Variants in MPHOSPH8 observed in about 807,000 individuals in gnomAD.
The protein encoded by MPHOSPH8 is M-phase phosphoprotein 8.
In MPHOSPH8, 45 loss-of-function variants were observed where a neutral mutation model predicts 87.3. That is an observed-to-expected ratio of 0.52 (90% CI 0.41 to 0.66). MPHOSPH8 has a LOEUF of 0.66. Ranked by LOEUF, MPHOSPH8 falls within the 30% of genes least tolerant of loss-of-function variation. MPHOSPH8 has a pLI of 0.00. For synonymous variants in MPHOSPH8, 366 were observed against 376.9 expected (o/e 0.97, Z 0.33); for missense variants, 883 against 1,020.2 (o/e 0.87, Z 1.83).
chr13:19,652,763 T>C (rs1874929193), intron 5 of MPHOSPH8, among the ~76,000 whole-genome samples: 1 of 152,106 alleles, frequency 6.6e-6, no homozygotes, highest in South Asian at 2.1e-4. Flanking sequence ...TGTCCGCCAT[T>C]GCTGAGGCTC....
chr13:19,668,124 C>G (rs1329090397), intron 10 of MPHOSPH8, among the ~76,000 whole-genome samples: 1 of 152,208 alleles, frequency 6.6e-6, no homozygotes, highest in African/African-American at 2.4e-5. Context: ...AGGCACTGTT[C>G]TAAAGGCTGG....
At chr13:19,647,841 A>G (rs1874649186) in intron 3 of MPHOSPH8, among the ~76,000 whole-genome samples, 1 of 152,156 alleles carries the variant, frequency 6.6e-6, no homozygotes, top group South Asian at 2.1e-4. Flanking sequence ...TTTTTCATCC[A>G]TTATTTCCAG....
chr13:19,651,857 T>C (rs1874867118), intron 5 of MPHOSPH8, among the ~76,000 whole-genome samples: 1 of 152,002 alleles, frequency 6.6e-6, no homozygotes, highest in Admixed American at 6.6e-5. Flanking sequence ...CCCAGCACTT[T>C]GGGAGGCCGA....
In MPHOSPH8 at chr13:19,673,306, T is replaced by TATA. The variant is rs906750702; in HGVS notation, c.*1434_*1436dup. On this transcript the variant is annotated 3_prime_UTR_variant, in exon 14 of 14. Coordinates refer to ENST00000361479, the MANE Select transcript of MPHOSPH8 (RefSeq NM_017520.4). ...AAAATTGTTTTGTTCCTCATTAGTT[T>TATA]ATAATTGTATGAAATACGATTTTAA... 9.0e-6 allele frequency: 3 copies of TATA among 331,562 alleles called. No individual in the cohort carries two copies. Among genetic ancestry groups the TATA allele is most frequent in the African/African-American group, 4.3e-5 (2 of 46,532 alleles). The allele number at this position is 331,562 out of a possible 1,614,324, so 20.5% of individuals were successfully genotyped here.
At chr13:19,658,927 A>T (rs1333034382) in intron 5 of MPHOSPH8, 68 bp from the exon 6 acceptor site, 2 of 1,568,640 alleles carry the variant, frequency 1.3e-6, no homozygotes, top group Non-Finnish European at 1.7e-6. Flanking sequence ...CACAAATTTC[A>T]TAAACAACAT....
intron 2 of MPHOSPH8, among the ~76,000 whole-genome samples, chr13:19,642,976 G>A (rs904846061): frequency 3.9e-5 from 6 of 152,152 alleles, no homozygotes; most frequent in Admixed American, 3.9e-4. Flanking sequence ...AGTAAGTGAA[G>A]CAATCACTTA....
chr13:19,670,042 AAG>A (rs1404997068), intron 11 of MPHOSPH8, among the ~76,000 whole-genome samples, 192 bp from the exon 12 acceptor site: 1 of 152,206 alleles, frequency 6.6e-6, no homozygotes, highest in Middle Eastern at 3.2e-3. Context: ...AAAAGGTAAA[AAG>A]AGTTCTGTGG....
In MPHOSPH8 at chr13:19,650,170, A is replaced by C. The variant is rs767454849; in HGVS notation, c.1486A>C (p.Thr496Pro). Residue 496 changes from threonine (T) to proline (P), a missense_variant, in exon 5 of 14, where the codon ACC becomes CCC. Physicochemically the swap from Thr to Pro is conservative, Grantham distance 38. Around this residue, in one of 3 missense-constraint regions of MPHOSPH8, gnomAD observed 741 missense variants for 841.5 expected, o/e 0.88. Coordinates refer to ENST00000361479, the MANE Select transcript of MPHOSPH8 (RefSeq NM_017520.4). ...NKQSLKERRN[T>P]RDETDTWAYI... ...ACAGTCACTTAAAGAAAGGAGAAACACCAGAGACGAAACGGATACTTGGGC... is the reference window on the plus strand; with the variant it reads ...ACAGTCACTTAAAGAAAGGAGAAACCCCAGAGACGAAACGGATACTTGGGC... The C allele has an allele frequency of 6.2e-7, 1 of 1,614,078 alleles. No individual in the cohort carries two copies. Among genetic ancestry groups the C allele is most frequent in the Non-Finnish European group, 8.5e-7 (1 of 1,180,036 alleles).
chr13:19,652,921 C>T (rs1874938891), intron 5 of MPHOSPH8, among the ~76,000 whole-genome samples: 1 of 152,182 alleles, frequency 6.6e-6, no homozygotes, highest in Non-Finnish European at 1.5e-5. Flanking sequence ...AAAAAGGCGG[C>T]AGCCACAGTC....
chr13:19,639,107 T>C (rs538361251), intron 1 of MPHOSPH8, among the ~76,000 whole-genome samples: 1 of 148,194 alleles, frequency 6.7e-6, no homozygotes, highest in African/African-American at 2.5e-5. Flanking sequence ...AAATTTACCA[T>C]AGGGTTTTTA....
At chr13:19,664,087 G>T (rs1225117914) in intron 9 of MPHOSPH8, among the ~76,000 whole-genome samples, 2 of 152,084 alleles carry the variant, frequency 1.3e-5, no homozygotes, top group Non-Finnish European at 2.9e-5. Flanking sequence ...GAGCTCAAGT[G>T]CCTCCCTCAG....
intron 5 of MPHOSPH8, among the ~76,000 whole-genome samples, chr13:19,654,948 C>CA (rs1199477154): frequency 0.015 from 2,084 of 139,728 alleles, 47 homozygotes; most frequent in African/African-American, 0.049. Context: ...CACACCATCT[C>CA]AAAAAAAAAA....
chr13:19,659,185 T>G lies in MPHOSPH8; in HGVS notation c.1703-16T>G. The G allele has an allele frequency of 6.2e-7, 1 of 1,609,020 alleles. No individual in the cohort carries two copies. The highest frequency in any genetic ancestry group is 8.5e-7 in the Non-Finnish European group (1 of 1,178,248). On this transcript the variant is annotated splice_polypyrimidine_tract_variant and intron_variant, in intron 6 of 13. Transcript: ENST00000361479. The stretch of plus-strand genomic sequence containing the variant: ...CTAGATTTATAAAATCTAACTTATT[T>G]TTTCTTTCATTTTAGATGTGTTAAG...
Position 19,668,423 on chromosome 13 carries a change from C to G in MPHOSPH8, c.2221C>G (p.Arg741Gly), listed in dbSNP as rs753982361. The stretch of plus-strand genomic sequence containing the variant: ...GACAATAAAGGATTACTTTGAAGCT[C>G]GCCTTGCTCTGCTAGAACCAGTTTT... ...EETIKDYFEA[R>G]LALLEPVFPI... Residue 741 changes from arginine to glycine, a missense_variant, in exon 11 of 14, where the codon CGC becomes GGC. Physicochemically the swap from Arg to Gly is moderately radical, Grantham distance 125. This residue lies in a region of MPHOSPH8 where 741 missense variants were observed against 841.5 expected (regional missense o/e 0.88). Coordinates refer to ENST00000361479, the MANE Select transcript of MPHOSPH8 (RefSeq NM_017520.4). The G allele has an allele frequency of 3.1e-6, 5 of 1,614,046 alleles. No individual in the cohort carries two copies. The highest frequency in any genetic ancestry group is 1.1e-5 in the South Asian group (1 of 91,068).
chr13:19,668,951 C>T (rs1875970110), intron 11 of MPHOSPH8, among the ~76,000 whole-genome samples: 1 of 152,120 alleles, frequency 6.6e-6, no homozygotes, highest in South Asian at 2.1e-4. Flanking sequence ...CTCGACAGAC[C>T]CTCTCCAGGC....
chr13:19,641,111 G>A (rs1006867259), intron 1 of MPHOSPH8, among the ~76,000 whole-genome samples: 3 of 152,078 alleles, frequency 2.0e-5, no homozygotes, highest in Non-Finnish European at 4.4e-5. Flanking sequence ...TCAGTCTTTG[G>A]TTTATGAAAA....
intron 5 of MPHOSPH8, among the ~76,000 whole-genome samples, chr13:19,652,259 G>A (rs1021410075): frequency 6.6e-6 from 1 of 152,216 alleles, no homozygotes; most frequent in African/African-American, 2.4e-5. Flanking sequence ...TGGTTGGACA[G>A]TGGGTGCAGC....
At chr13:19,664,050 C>G (rs1447088009) in intron 9 of MPHOSPH8, among the ~76,000 whole-genome samples, 1 of 152,164 alleles carries the variant, frequency 6.6e-6, no homozygotes, top group Non-Finnish European at 1.5e-5. Context: ...GTGGCACCAT[C>G]ATGACTCACT....
At chr13:19,636,160 G>C (rs1044653232) in intron 1 of MPHOSPH8, among the ~76,000 whole-genome samples, 13 of 152,134 alleles carry the variant, frequency 8.5e-5, no homozygotes, top group African/African-American at 3.1e-4. Flanking sequence ...AGGTGTTAGC[G>C]GAACAGGACT....
Sources: allele counts gnomAD v4.1 joint callset (sites outside exome capture counted in the v4.1 genomes callset), GRCh38; gene constraint gnomAD v4.1.1; regional missense constraint gnomAD v4.1.1; transcripts MANE v1.5; gene names NCBI Gene and HGNC (gene_info 2026-07-23, HGNC 2026-07-21).